NXPE2: variants seen among roughly 807,000 people sequenced by gnomAD.
NXPE2 encodes NXPE family member 2.
A neutral mutation model predicts 34.4 loss-of-function variants in NXPE2; 34 were observed. That is an observed-to-expected ratio of 0.99 (90% CI 0.75 to 1.31). NXPE2 has a LOEUF of 1.31. Among genes scored for constraint, NXPE2 ranks in the 40% most tolerant of loss-of-function variants. NXPE2 has a pLI of 0.00. For synonymous variants in NXPE2, 235 were observed against 231.3 expected, an observed-to-expected ratio of 1.02 and a Z score of -0.15; for missense variants, 649 against 672.5, an observed-to-expected ratio of 0.97 and a Z score of 0.39.
the NXPE2 span, among the ~76,000 whole-genome samples, chr11:114,753,341 C>T: frequency 6.6e-6 from 1 of 152,014 alleles, no homozygotes; most frequent in Admixed American, 6.6e-5. Flanking sequence ...TGCAGTGAGT[C>T]GTGATTGCTC....
rs369857552 is a variant in NXPE2 at position 114,700,291 on chromosome 11, T to C, written c.866+1513T>C. Among the ~76,000 whole-genome samples the C allele has an allele frequency of 2.6e-5, 4 of 152,360 alleles. 1 individual carries two copies. Among genetic ancestry groups the C allele is most frequent in the East Asian group, 1.9e-4 (1 of 5,192 alleles). On this transcript the variant is annotated intron_variant, in intron 3 of 5. Coordinates refer to ENST00000389586, the MANE Select transcript of NXPE2 (RefSeq NM_182495.6). ...TTAAACTCTTTTAATATTAAAACTC[T>C]TTAACATGAAGGTCATAAGAGTAAC...
At chr11:114,650,917 A>G in the NXPE2 span, among the ~76,000 whole-genome samples, 1 of 152,112 alleles carries the variant, frequency 6.6e-6, no homozygotes, top group Non-Finnish European at 1.5e-5. Context: ...GCAGCCTGGT[A>G]ATACTGGCTA....
chr11:114,697,437 C>T (rs1215916487), intron 2 of NXPE2, among the ~76,000 whole-genome samples: 4 of 152,174 alleles, frequency 2.6e-5, no homozygotes, highest in Non-Finnish European at 5.9e-5. Flanking sequence ...CTGTTGACAC[C>T]TTGATCTCCG....
chr11:114,555,446 C>T, the NXPE2 span, among the ~76,000 whole-genome samples: 1 of 152,138 alleles, frequency 6.6e-6, no homozygotes, highest in Admixed American at 6.6e-5. Flanking sequence ...AGGATGGTCT[C>T]GATTTTCTGA....
the NXPE2 span, among the ~76,000 whole-genome samples, chr11:114,639,835 A>G: frequency 3.0e-3 from 334 of 109,892 alleles, 2 homozygotes; most frequent in African/African-American, 0.014. Flanking sequence ...TATATATTAT[A>G]TTAAATATAA....
the NXPE2 span, among the ~76,000 whole-genome samples, chr11:114,536,623 A>G: frequency 3.7e-3 from 562 of 152,356 alleles, 3 homozygotes; most frequent in Non-Finnish European, 5.7e-3. Context: ...CCACAGAAAT[A>G]CAAACTACCA....
chr11:114,489,613 A>C, the NXPE2 span, among the ~76,000 whole-genome samples: 1 of 152,210 alleles, frequency 6.6e-6, no homozygotes, highest in East Asian at 1.9e-4. Context: ...AAACCACATG[A>C]TTGTCTCAAC....
At chr11:114,707,576 C>T (rs568029041), downstream of NXPE2, 71 of 210,916 alleles carry the variant, frequency 3.4e-4, no homozygotes, top group South Asian at 9.6e-4. Flanking sequence ...CATTTTTAAG[C>T]GTACAATTCA....
chr11:114,496,241 TC>T, the NXPE2 span, among the ~76,000 whole-genome samples: 2 of 152,116 alleles, frequency 1.3e-5, no homozygotes, highest in Non-Finnish European at 2.9e-5. Flanking sequence ...GTCTAAATGC[TC>T]CCTCTGTGGG....
chr11:114,518,241 C>G, the NXPE2 span: 9 of 152,232 alleles, frequency 5.9e-5, no homozygotes, highest in African/African-American at 9.7e-5. Flanking sequence ...TCTGCCTTGC[C>G]TCTCCGAGAT....
At chr11:114,636,922 A>G in the NXPE2 span, among the ~76,000 whole-genome samples, 2 of 152,136 alleles carry the variant, frequency 1.3e-5, no homozygotes, top group Admixed American at 6.6e-5. Context: ...TGTGTTGCTG[A>G]AAAAAATGTA....
the NXPE2 span, among the ~76,000 whole-genome samples, chr11:114,665,950 A>C: frequency 6.6e-6 from 1 of 152,134 alleles, no homozygotes. Context: ...TTGTTTTACA[A>C]GTGAGGAGAC....
chr11:114,503,646 C>T, the NXPE2 span, among the ~76,000 whole-genome samples: 1 of 151,930 alleles, frequency 6.6e-6, no homozygotes, highest in East Asian at 1.9e-4. Flanking sequence ...AATTAAGAAG[C>T]TTAGAAGATA....
chr11:114,691,756 A>AG (rs540886508), intron 2 of NXPE2, among the ~76,000 whole-genome samples: 74 of 152,276 alleles, frequency 4.9e-4, no homozygotes, highest in African/African-American at 1.7e-3. Flanking sequence ...CTTTGACCCA[A>AG]GGGGGGCTTT....
chr11:114,744,388 C>T, the NXPE2 span, among the ~76,000 whole-genome samples: 5 of 152,244 alleles, frequency 3.3e-5, no homozygotes, highest in Admixed American at 1.3e-4. Context: ...CTATGGTTTA[C>T]TATAATATCT....
the NXPE2 span, among the ~76,000 whole-genome samples, chr11:114,627,095 G>A: frequency 6.6e-6 from 1 of 152,176 alleles, no homozygotes; most frequent in African/African-American, 2.4e-5. Flanking sequence ...AAAACACTCT[G>A]CAGGATATTA....
At chr11:114,611,666 C>A in the NXPE2 span, among the ~76,000 whole-genome samples, 42 of 134,206 alleles carry the variant, frequency 3.1e-4, no homozygotes, top group East Asian at 5.1e-3. Context: ...GTGGATAATA[C>A]GTGTTGCCTC....
the NXPE2 span, among the ~76,000 whole-genome samples, chr11:114,742,879 C>T: frequency 6.6e-6 from 1 of 152,176 alleles, no homozygotes; most frequent in East Asian, 1.9e-4. Context: ...TTGACCAATT[C>T]CAACAGGCTT....
chr11:114,695,329 C>T (rs896183615), intron 2 of NXPE2, among the ~76,000 whole-genome samples: 3 of 152,100 alleles, frequency 2.0e-5, no homozygotes, highest in African/African-American at 7.2e-5. Flanking sequence ...GTGATTTAGT[C>T]CCAGTATTTT....
Sources: allele counts gnomAD v4.1 joint callset (sites outside exome capture counted in the v4.1 genomes callset), GRCh38; gene constraint gnomAD v4.1.1; transcripts MANE v1.5; gene names NCBI Gene and HGNC (gene_info 2026-07-23, HGNC 2026-07-21).